PKD1L3: variants seen among roughly 807,000 people sequenced by gnomAD.
PKD1L3 encodes polycystin 1 like 3, transient receptor potential channel interacting, also known as polycystin-1-like protein 3.
Under a neutral mutation model 184.1 loss-of-function variants are expected in PKD1L3, and 239 were observed. That is an observed-to-expected ratio of 1.30 (90% CI 1.17 to 1.45). The LOEUF is 1.45. PKD1L3 is among the 40% of genes most tolerant of loss of function. PKD1L3 has a pLI of 0.00. For synonymous variants in PKD1L3, 996 were observed against 778.8 expected (o/e 1.28, Z -4.64); for missense variants, 2,660 against 2,067.2 (o/e 1.29, Z -5.56).
chr16:71,982,278 C>G, intron 6 of PKD1L3, 43 bp from the exon 7 acceptor site: 7 of 431,896 alleles, frequency 1.6e-5, no homozygotes, highest in Non-Finnish European at 2.2e-5. Flanking sequence ...GAATTGTTTG[C>G]TTTTTTTTTT....
At chr16:71,968,255 G>A (rs1428701852) in intron 13 of PKD1L3, among the ~76,000 whole-genome samples, 1 of 152,144 alleles carries the variant, frequency 6.6e-6, no homozygotes, top group Non-Finnish European at 1.5e-5. Context: ...ATCAGGTCTT[G>A]GGCCTCTAAA....
intron 24 of PKD1L3, among the ~76,000 whole-genome samples, chr16:71,941,859 C>T (rs2038373699): frequency 1.3e-5 from 2 of 150,372 alleles, no homozygotes; most frequent in South Asian, 4.4e-4. Flanking sequence ...GCTGGGATTA[C>T]AGGCATGAGC....
At position 71,985,669 on chromosome 16, in the gene PKD1L3, G is replaced by A. The variant is rs369869238; in HGVS notation, c.834+552C>T. Among the ~76,000 whole-genome samples the A allele has an allele frequency of 4.1e-4, 62 of 152,122 alleles. 2 individuals are homozygous for A. The highest frequency in any genetic ancestry group is 2.0e-3 in the Admixed American group (30 of 15,272). The stretch of plus-strand genomic sequence containing the variant: ...AAGCTGGTCTCAAACTCGGGCTTAC[G>A]TGATCCTCCACCTCGGCCTCCCAAA... On this transcript the variant is annotated intron_variant, in intron 5 of 29. Transcript: ENST00000620267.
intron 27 of PKD1L3, 116 bp downstream of exon 27, chr16:71,933,799 C>T: frequency 8.4e-7 from 1 of 1,185,974 alleles, no homozygotes; most frequent in Non-Finnish European, 1.2e-6. Flanking sequence ...AGATCTAAAC[C>T]CGGCTTTCCT....
At chr16:71,942,327 C>G (rs1427240155) in intron 24 of PKD1L3, among the ~76,000 whole-genome samples, 2 of 152,006 alleles carry the variant, frequency 1.3e-5, no homozygotes, top group Non-Finnish European at 2.9e-5. Context: ...AGCAAGACTC[C>G]GTCTCAAACA....
chr16:71,944,694 G>GTTTT, intron 22 of PKD1L3, among the ~76,000 whole-genome samples: 1 of 76,082 alleles, frequency 1.3e-5, no homozygotes, highest in Non-Finnish European at 2.8e-5. Flanking sequence ...GACCATATCT[G>GTTTT]TTTTTTGTTT....
chr16:71,958,114 G>A (rs1308944522), intron 16 of PKD1L3, among the ~76,000 whole-genome samples: 6 of 151,762 alleles, frequency 4.0e-5, no homozygotes, highest in South Asian at 4.2e-4. Context: ...ACGGCCGGGC[G>A]CGGTGGCTCA....
Position 71,949,904 on chromosome 16 carries a change from A to G in PKD1L3, c.3497T>C (p.Leu1166Pro). 1 of 1,551,744 alleles carries G rather than the reference A, an allele frequency of 6.4e-7. No homozygotes were observed. Among genetic ancestry groups the G allele is most frequent in the Non-Finnish European group, 8.7e-7 (1 of 1,147,000 alleles). Residue 1166 changes from leucine (L) to proline (P), a missense_variant, in exon 21 of 30, where the codon CTG (leucine) becomes CCG (proline). Transcript: ENST00000620267. ...AAGTGCTGTAAAAAAGGCTGAAGCC[A>G]GGCTAGTGAAACCTAAGAGGAGCCA... ...VCWLLLGFTS[L>P]ASAFFTALYS...
intron 17 of PKD1L3, 23 bp downstream of exon 17, chr16:71,954,082 C>A: frequency 6.8e-7 from 1 of 1,466,722 alleles, no homozygotes; most frequent in Non-Finnish European, 9.0e-7. Context: ...CTACAAACAA[C>A]ACACATCAGG....
intron 16 of PKD1L3, among the ~76,000 whole-genome samples, chr16:71,962,230 T>C (rs948755424): frequency 1.3e-5 from 2 of 151,936 alleles, no homozygotes; most frequent in Admixed American, 1.3e-4. Flanking sequence ...GGCTAGGACA[T>C]GGTGTGTGGG....
chr16:71,933,365 A>C lies in PKD1L3; in HGVS notation c.4926+55T>G, dbSNP rs1027154523. The C allele has an allele frequency of 2.5e-4, 341 of 1,349,782 alleles. 2 individuals carry two copies. The highest frequency in any genetic ancestry group is 2.6e-4 in the Admixed American group (13 of 50,642). 83.6% of individuals were successfully genotyped at this position (1,349,782 alleles called of 1,614,324 possible). On this transcript the variant is annotated intron_variant, in intron 28 of 29. Coordinates refer to ENST00000620267, the MANE Select transcript of PKD1L3 (RefSeq NM_181536.2). The stretch of plus-strand genomic sequence containing the variant: ...GGGCTGTTTTCATAAGGACCCCCCC[A>C]ATTTTCCTTGTTCAATATATTGAAT...
rs1567523534 is a variant in PKD1L3 at position 71,967,200 on chromosome 16, G to GTCCA, written c.2398_2401dup (p.Thr801MetfsTer15). 2.6e-6 allele frequency: 4 copies of GTCCA among 1,551,730 alleles called. 1 individual carries two copies. The Admixed American group carries it at 7.8e-5, about 30-fold the overall frequency. On this transcript the variant is annotated frameshift_variant, in exon 15 of 30. Transcript: ENST00000620267. LOFTEE classifies it high-confidence loss of function. Reference sequence around the variant, plus strand: ...AAGGCTGTGCAGGTTCCCTAGAGAGGTCCAAGTGGTGAGAAGGAAGACATC... The same window carrying GTCCA: ...AAGGCTGTGCAGGTTCCCTAGAGAGGTCCATCCAAGTGGTGAGAAGGAAGACATC...
At chr16:71,953,123 T>G in intron 17 of PKD1L3, 30 bp from the exon 18 acceptor site, 1 of 1,423,046 alleles carries the variant, frequency 7.0e-7, no homozygotes, top group Non-Finnish European at 9.3e-7. Context: ...TCAACTTTCA[T>G]CTTCAACAAT....
intron 10 of PKD1L3, 32 bp from the exon 11 acceptor site, chr16:71,977,499 G>A: frequency 6.8e-7 from 1 of 1,465,562 alleles, no homozygotes; most frequent in Non-Finnish European, 9.3e-7. Context: ...CATTATAATG[G>A]TCCATCCATT....
chr16:71,996,909 G>C (rs1253205286), intron 2 of PKD1L3, among the ~76,000 whole-genome samples: 1 of 151,374 alleles, frequency 6.6e-6, no homozygotes, highest in Non-Finnish European at 1.5e-5. Context: ...TAGGTGGGTA[G>C]ATTTGGTGGT....
At chr16:71,956,672 G>A (rs2039061982) in intron 16 of PKD1L3, among the ~76,000 whole-genome samples, 1 of 152,114 alleles carries the variant, frequency 6.6e-6, no homozygotes, top group Non-Finnish European at 1.5e-5. Context: ...GGAAGGGGGA[G>A]GGAACAGGAA....
At chr16:71,990,194 C>G in intron 4 of PKD1L3, 86 bp downstream of exon 4, 1 of 1,220,904 alleles carries the variant, frequency 8.2e-7, no homozygotes, top group Non-Finnish European at 1.1e-6. Flanking sequence ...TCAGAACACT[C>G]TACAAGATAG....
intron 9 of PKD1L3, among the ~76,000 whole-genome samples, chr16:71,978,586 A>G (rs2040027757): frequency 6.8e-6 from 1 of 146,120 alleles, no homozygotes; most frequent in Non-Finnish European, 1.5e-5. Flanking sequence ...GTCAATCAGG[A>G]TGGAGTGCAG....
chr16:71,993,759 G>C (rs757374701), intron 2 of PKD1L3, among the ~76,000 whole-genome samples: 1 of 149,560 alleles, frequency 6.7e-6, no homozygotes, highest in African/African-American at 2.5e-5. Flanking sequence ...AGAGATAAAA[G>C]AGTTCAGAAG....
Sources: allele counts gnomAD v4.1 joint callset (sites outside exome capture counted in the v4.1 genomes callset), GRCh38; gene constraint gnomAD v4.1.1; transcripts MANE v1.5; gene names NCBI Gene and HGNC (gene_info 2026-07-23, HGNC 2026-07-21).